Variants in PRKG1 observed in about 807,000 individuals in gnomAD.
The protein encoded by PRKG1 is cGMP-dependent protein kinase 1.
Under a neutral mutation model 88.1 loss-of-function variants are expected in PRKG1, and 35 were observed. That is an observed-to-expected ratio of 0.40 (90% CI 0.30 to 0.53). PRKG1 has a LOEUF of 0.53. Among genes scored for constraint, PRKG1 ranks in the 20% least tolerant of loss-of-function variants. The pLI is 0.59. For synonymous variants in PRKG1, 303 were observed against 292.5 expected, an observed-to-expected ratio of 1.04 and a Z score of -0.37; for missense variants, 540 against 839.8, an observed-to-expected ratio of 0.64 and a Z score of 4.41.
chr10:51,159,328 G>T (rs940470101), intron 2 of PRKG1, among the ~76,000 whole-genome samples: 5 of 152,118 alleles, frequency 3.3e-5, no homozygotes, highest in Admixed American at 2.6e-4. Flanking sequence ...TTTAACATGA[G>T]AAATGGGCCA....
intron 3 of PRKG1, among the ~76,000 whole-genome samples, chr10:51,731,123 T>C (rs1842262707): frequency 6.6e-6 from 1 of 152,110 alleles, no homozygotes; most frequent in Admixed American, 6.6e-5. Flanking sequence ...GCCACTGCAC[T>C]CCAGGGTGAG....
At chr10:51,859,164 T>C (rs867390098) in intron 4 of PRKG1, among the ~76,000 whole-genome samples, 6 of 152,202 alleles carry the variant, frequency 3.9e-5, no homozygotes, top group African/African-American at 1.4e-4. Flanking sequence ...TCCCTTTAAA[T>C]TGGCGTTCAA....
chr10:52,172,629 T>G (rs1373932827), intron 9 of PRKG1, among the ~76,000 whole-genome samples: 2 of 152,250 alleles, frequency 1.3e-5, no homozygotes, highest in African/African-American at 4.8e-5. Flanking sequence ...TATCTCTATC[T>G]ACAATTCCTT....
intron 1 of PRKG1, among the ~76,000 whole-genome samples, chr10:51,088,715 TAA>T (rs1408417358): frequency 2.6e-5 from 4 of 152,020 alleles, no homozygotes; most frequent in Non-Finnish European, 5.9e-5. Context: ...CAGAAAATAG[TAA>T]GTTACATGAA....
chr10:51,363,324 T>C (rs903445009), intron 2 of PRKG1, among the ~76,000 whole-genome samples: 2 of 151,952 alleles, frequency 1.3e-5, no homozygotes, highest in African/African-American at 4.8e-5. Context: ...CTGCCCAGTA[T>C]ATTACACTGC....
intron 2 of PRKG1, among the ~76,000 whole-genome samples, chr10:51,426,464 T>G (rs533324824): frequency 2.6e-5 from 4 of 152,222 alleles, no homozygotes; most frequent in African/African-American, 9.6e-5. Flanking sequence ...CTGTCTTTAA[T>G]TAATTAAAAG....
chr10:51,484,242 C>T (rs745306974), intron 3 of PRKG1, among the ~76,000 whole-genome samples: 17 of 152,018 alleles, frequency 1.1e-4, no homozygotes, highest in South Asian at 2.1e-4. Context: ...TTATCAAGCC[C>T]GTGTCCCTTT....
intron 5 of PRKG1, among the ~76,000 whole-genome samples, chr10:51,914,388 G>T (rs562504193): frequency 6.6e-6 from 1 of 152,220 alleles, no homozygotes; most frequent in South Asian, 2.1e-4. Flanking sequence ...TTCACAAATG[G>T]GGGAGTAAAA....
chr10:51,520,264 GTT>G (rs1841702448), intron 3 of PRKG1, among the ~76,000 whole-genome samples: 1 of 136,808 alleles, frequency 7.3e-6, no homozygotes, highest in East Asian at 2.0e-4. Context: ...TACATATAGA[GTT>G]ATATATATGC....
intron 2 of PRKG1, among the ~76,000 whole-genome samples, chr10:51,277,928 A>G (rs1448651504): frequency 6.6e-6 from 1 of 152,120 alleles, no homozygotes; most frequent in African/African-American, 2.4e-5. Context: ...CTCTTTTCCT[A>G]ATTGAATACC....
intron 2 of PRKG1, among the ~76,000 whole-genome samples, chr10:51,430,287 C>T (rs1052261786): frequency 3.3e-5 from 5 of 151,832 alleles, no homozygotes; most frequent in African/African-American, 7.3e-5. Context: ...GGTGTGGTGG[C>T]GTGTGCCTGT....
At chr10:52,052,210 A>G (rs991405446) in intron 5 of PRKG1, among the ~76,000 whole-genome samples, 13 of 152,100 alleles carry the variant, frequency 8.5e-5, no homozygotes, top group Non-Finnish European at 1.8e-4. Context: ...GGATGGAGCT[A>G]TTATGAGATT....
chr10:52,148,842 A>G (rs1305691683), intron 8 of PRKG1, among the ~76,000 whole-genome samples: 1 of 152,174 alleles, frequency 6.6e-6, no homozygotes, highest in Non-Finnish European at 1.5e-5. Context: ...GGGTGAAAGA[A>G]AGATGGGAAT....
intron 8 of PRKG1, among the ~76,000 whole-genome samples, chr10:52,143,164 C>G (rs1837630996): frequency 6.6e-6 from 1 of 152,120 alleles, no homozygotes; most frequent in South Asian, 2.1e-4. Flanking sequence ...TTCACTAACA[C>G]TACTCCTGTG....
In PRKG1 at chr10:52,188,293, T is replaced by C. The variant is rs141974694; in HGVS notation, c.1076+26330T>C. On this transcript the variant is annotated intron_variant, in intron 9 of 17. Coordinates refer to ENST00000373980, the MANE Select transcript of PRKG1 (RefSeq NM_006258.4). ...GTATATATATACATATATATGTGTA[T>C]ATATATATGTATATATATACATATG... Among the ~76,000 whole-genome samples, 161 of 21,204 alleles carry C rather than the reference T, an allele frequency of 7.6e-3. 1 individual carries two copies. The East Asian group carries it at 0.1, about 13-fold the overall frequency. The allele number at this position is 21,204 out of a possible 152,430, so 13.9% of individuals were successfully genotyped here.
intron 5 of PRKG1, among the ~76,000 whole-genome samples, chr10:52,048,665 C>T (rs1845917849): frequency 6.6e-6 from 1 of 152,062 alleles, no homozygotes; most frequent in African/African-American, 2.4e-5. Context: ...ACAATATTAA[C>T]TAGAAAAGCC....
intron 4 of PRKG1, among the ~76,000 whole-genome samples, chr10:51,850,283 T>C (rs1306620382): frequency 6.6e-6 from 1 of 152,140 alleles, no homozygotes; most frequent in Non-Finnish European, 1.5e-5. Context: ...TTCAAGCGAT[T>C]CTCCTGCCTC....
At chr10:51,399,095 A>C (rs1255766094) in intron 2 of PRKG1, among the ~76,000 whole-genome samples, 2 of 152,008 alleles carry the variant, frequency 1.3e-5, no homozygotes, top group Non-Finnish European at 2.9e-5. Context: ...CTTTATATAC[A>C]TCTTATTTAT....
At chr10:51,044,155 A>G (rs930493063) in intron 1 of PRKG1, among the ~76,000 whole-genome samples, 1 of 152,282 alleles carries the variant, frequency 6.6e-6, no homozygotes, top group African/African-American at 2.4e-5. Flanking sequence ...GAGAAGACCA[A>G]CACACTCACT....
Sources: gnomAD v4.1 joint callset for allele counts (sites outside exome capture counted in the v4.1 genomes callset) on GRCh38, gnomAD v4.1.1 for gene constraint, MANE v1.5 for transcripts, NCBI Gene and HGNC (gene_info 2026-07-23, HGNC 2026-07-21) for gene names.